Variants in PLEKHA8 observed in about 807,000 individuals in gnomAD.
The protein encoded by PLEKHA8 is pleckstrin homology domain containing A8, also known as pleckstrin homology domain-containing family A member 8.
A neutral mutation model predicts 68.2 loss-of-function variants in PLEKHA8; 36 were observed. The observed-to-expected ratio is 0.53, with a 90% CI of 0.40 to 0.70. PLEKHA8 has a LOEUF of 0.70. Ranked by LOEUF, PLEKHA8 falls within the 30% of genes least tolerant of loss-of-function variation. The pLI, the probability that PLEKHA8 is intolerant of heterozygous loss-of-function variation, is 0.00. For synonymous variants in PLEKHA8, 211 were observed against 216.1 expected (o/e 0.98, Z 0.20); for missense variants, 505 against 615.4 (o/e 0.82, Z 1.90).
intron 11 of PLEKHA8, 80 bp downstream of exon 11, chr7:30,062,107 G>T: frequency 6.8e-7 from 1 of 1,478,686 alleles, no homozygotes; most frequent in South Asian, 1.4e-5. Context: ...ACACAAAGGA[G>T]ACTACTTCTG....
chr7:30,056,785 G>GTATA (rs1185665108), intron 9 of PLEKHA8, among the ~76,000 whole-genome samples: 4 of 82,352 alleles, frequency 4.9e-5, no homozygotes, highest in African/African-American at 9.3e-5. Context: ...GTGTGTGTGT[G>GTATA]TATATATATA....
chr7:30,124,158 T>C (rs1030169098), intron 13 of PLEKHA8, among the ~76,000 whole-genome samples: 2 of 152,204 alleles, frequency 1.3e-5, no homozygotes, highest in African/African-American at 4.8e-5. Flanking sequence ...AAGCAGTAGA[T>C]GGGCTTTTTT....
chr7:30,044,684 T>A (rs1197486290), intron 1 of PLEKHA8, among the ~76,000 whole-genome samples: 1 of 152,218 alleles, frequency 6.6e-6, no homozygotes, highest in African/African-American at 2.4e-5. Flanking sequence ...AAGGCAAGCA[T>A]GTGATAACAG....
chr7:30,066,527 C>G (rs528990599), intron 12 of PLEKHA8, among the ~76,000 whole-genome samples: 1 of 152,226 alleles, frequency 6.6e-6, no homozygotes, highest in Admixed American at 6.5e-5. Context: ...CCTTAGTGTC[C>G]TAACATTCTT....
At chr7:30,119,082 C>T (rs1338657286) in intron 13 of PLEKHA8, among the ~76,000 whole-genome samples, 1 of 152,206 alleles carries the variant, frequency 6.6e-6, no homozygotes, top group Non-Finnish European at 1.5e-5. Flanking sequence ...CACCTCGGGT[C>T]AGGGGACAGT....
chr7:30,052,373 A>T (rs1024122097), intron 6 of PLEKHA8, among the ~76,000 whole-genome samples: 3 of 152,140 alleles, frequency 2.0e-5, no homozygotes, highest in African/African-American at 7.2e-5. Context: ...GAGGTGGCTC[A>T]TGCCTGTAAT....
rs1288269321 is a variant in PLEKHA8 at position 30,028,469 on chromosome 7, G to A, written c.-294G>A. The A allele has an allele frequency of 6.1e-6, 2 of 326,482 alleles. No homozygotes were observed. The highest frequency in any genetic ancestry group is 4.9e-5 in the Admixed American group (1 of 20,298). The allele number at this position is 326,482 out of a possible 1,614,324, so 20.2% of individuals were successfully genotyped here. On this transcript the variant is annotated 5_prime_UTR_variant, in exon 1 of 14. Coordinates refer to ENST00000449726, the MANE Select transcript of PLEKHA8 (RefSeq NM_001197026.2). ...TCGTTCGCCGCACTTTGGAGGCTTC[G>A]GCTGCCCCTCCGACCCACGTAGGGC...
rs571056118 is a variant in PLEKHA8, at chr7:30,041,918, C to T, written c.41-3167C>T. Among the ~76,000 whole-genome samples the T allele has an allele frequency of 4.0e-5, 6 of 151,896 alleles. 1 individual carries two copies. In the South Asian group the frequency reaches 1.3e-3, roughly 32 times the overall value. ...GGTAGAGTTTTTTTCTTTCTTGTGT[C>T]ATGTAAAATAATGGTGTGTCTTAAA... On this transcript the variant is annotated intron_variant, in intron 1 of 13. Transcript: ENST00000449726.
At chr7:30,127,772 T>A (rs1004647867) in intron 13 of PLEKHA8, among the ~76,000 whole-genome samples, 5 of 152,378 alleles carry the variant, frequency 3.3e-5, no homozygotes, top group African/African-American at 1.2e-4. Context: ...TGAATAGCAA[T>A]TGATTATTGT....
At chr7:30,093,948 G>C (rs1795509151), downstream of PLEKHA8, among the ~76,000 whole-genome samples, 1 of 152,220 alleles carries the variant, frequency 6.6e-6, no homozygotes, top group Non-Finnish European at 1.5e-5. Context: ...TTCCTAGTCA[G>C]TGAGACTGAG....
chr7:30,124,199 G>A (rs1796737731), intron 13 of PLEKHA8, among the ~76,000 whole-genome samples: 1 of 152,050 alleles, frequency 6.6e-6, no homozygotes, highest in East Asian at 1.9e-4. Context: ...ACACTTTTAG[G>A]ACTTATTGAG....
downstream of PLEKHA8, among the ~76,000 whole-genome samples, chr7:30,088,357 C>T (rs1004745200): frequency 3.9e-5 from 6 of 152,034 alleles, no homozygotes; most frequent in East Asian, 3.9e-4. Flanking sequence ...ATTAGAATCA[C>T]GGGAAGGACT....
chr7:30,107,312 A>G (rs1485216088), intron 13 of PLEKHA8, among the ~76,000 whole-genome samples: 1 of 152,078 alleles, frequency 6.6e-6, no homozygotes, highest in Non-Finnish European at 1.5e-5. Flanking sequence ...ATGTTCTTCC[A>G]TAAAGTTTTA....
intron 9 of PLEKHA8, among the ~76,000 whole-genome samples, chr7:30,059,985 C>T (rs868772411): frequency 1.4e-5 from 2 of 147,218 alleles, no homozygotes; most frequent in South Asian, 2.1e-4. Context: ...AGATCGAGAC[C>T]GTCTTGGCCA....
chr7:30,075,643 A>G (rs940788876), intron 13 of PLEKHA8, among the ~76,000 whole-genome samples: 4 of 152,184 alleles, frequency 2.6e-5, no homozygotes, highest in African/African-American at 9.7e-5. Flanking sequence ...CACTGTGGTC[A>G]TTGATCTCCC....
At position 30,121,717 on chromosome 7, in the gene PLEKHA8, C is replaced by T. The variant is rs369103330; in HGVS notation, c.1363-7549C>T. Among the ~76,000 whole-genome samples the T allele has an allele frequency of 7.9e-5, 12 of 152,240 alleles. No individual in the cohort carries two copies. In the East Asian group the frequency reaches 1.2e-3, roughly 15 times the overall value. On this transcript the variant is annotated intron_variant, in intron 13 of 13. Transcript: ENST00000396257. ...CATGTATGACTTTTAATCTTTGTAT[C>T]TCTGCCCAGAGGCACATTTTGGAGA... is the stretch of plus-strand genomic sequence containing the variant.
intron 9 of PLEKHA8, 127 bp downstream of exon 9, chr7:30,055,469 C>A: frequency 1.3e-6 from 1 of 775,430 alleles, no homozygotes; most frequent in Non-Finnish European, 2.3e-6. Flanking sequence ...GTTCAAATCA[C>A]CAGACACATA....
intron 13 of PLEKHA8, among the ~76,000 whole-genome samples, chr7:30,075,783 A>T (rs528739061): frequency 2.0e-5 from 3 of 152,280 alleles, no homozygotes; most frequent in East Asian, 3.9e-4. Flanking sequence ...GATCCCAGAG[A>T]TATTGTCAAT....
chr7:30,082,503 C>A lies in PLEKHA8; in HGVS notation c.*3716C>A. 7 of 985,248 alleles carry A rather than the reference C, an allele frequency of 7.1e-6. No individual in the cohort carries two copies. The South Asian group carries it at 2.4e-4, about 33-fold the overall frequency. 61.0% of individuals were successfully genotyped at this position (985,248 alleles called of 1,614,324 possible). ...CATATTCCCATTTGTAGCTGGAAAGCGGGTGAATGACATGACATGGGGCAC... is the reference window on the plus strand; with the variant it reads ...CATATTCCCATTTGTAGCTGGAAAGAGGGTGAATGACATGACATGGGGCAC... On this transcript the variant is annotated 3_prime_UTR_variant, in exon 14 of 14. Coordinates refer to ENST00000449726, the MANE Select transcript of PLEKHA8 (RefSeq NM_001197026.2).
Sources: gnomAD v4.1 joint callset for allele counts (sites outside exome capture counted in the v4.1 genomes callset) on GRCh38, gnomAD v4.1.1 for gene constraint, MANE v1.5 for transcripts, NCBI Gene and HGNC (gene_info 2026-07-23, HGNC 2026-07-21) for gene names.